Variants in ADAMTSL3 observed in about 807,000 individuals in gnomAD.
The protein encoded by ADAMTSL3 is ADAMTS like 3.
A neutral mutation model predicts 201.7 loss-of-function variants in ADAMTSL3; 128 were observed. The ratio of observed to expected loss-of-function variants is 0.63; its 90% confidence interval spans 0.55 to 0.73. The LOEUF (loss-of-function observed/expected upper bound fraction) is 0.73. Ranked by LOEUF, ADAMTSL3 falls within the 30% of genes least tolerant of loss-of-function variation. The pLI, the probability that ADAMTSL3 is intolerant of heterozygous loss-of-function variation, is 0.00. For synonymous variants in ADAMTSL3, 738 were observed against 748.4 expected (o/e 0.99, Z 0.23); for missense variants, 1,990 against 2,119.6 (o/e 0.94, Z 1.20).
At chr15:83,974,980 C>T (rs1686635726) in intron 20 of ADAMTSL3, among the ~76,000 whole-genome samples, 4 of 148,332 alleles carry the variant, frequency 2.7e-5, no homozygotes, top group Admixed American at 2.7e-4. Context: ...TCTCCTTGTA[C>T]TGGCACACAG....
At chr15:84,010,283 T>G (rs2067984019) in intron 23 of ADAMTSL3, among the ~76,000 whole-genome samples, 1 of 152,248 alleles carries the variant, frequency 6.6e-6, no homozygotes, top group Non-Finnish European at 1.5e-5. Context: ...TTTTTTCTCT[T>G]CCTAGCTAGT....
intron 3 of ADAMTSL3, among the ~76,000 whole-genome samples, chr15:83,744,083 C>T: frequency 6.6e-6 from 1 of 152,120 alleles, no homozygotes; most frequent in Non-Finnish European, 1.5e-5. Flanking sequence ...ATCTCCTGAC[C>T]TCGTGATCTG....
At chr15:83,788,246 T>A (rs1039818970) in intron 4 of ADAMTSL3, among the ~76,000 whole-genome samples, 3 of 152,214 alleles carry the variant, frequency 2.0e-5, no homozygotes, top group Non-Finnish European at 4.4e-5. Context: ...AGACCCTTCT[T>A]CTGGAGAATT....
intron 9 of ADAMTSL3, among the ~76,000 whole-genome samples, chr15:83,877,978 G>T (rs972876981): frequency 6.6e-6 from 1 of 152,030 alleles, no homozygotes; most frequent in Admixed American, 6.6e-5. Flanking sequence ...GATTGTATAC[G>T]TACGCAATTG....
chr15:83,939,177 C>T (rs2066511636), intron 17 of ADAMTSL3, among the ~76,000 whole-genome samples: 1 of 151,940 alleles, frequency 6.6e-6, no homozygotes, highest in African/African-American at 2.4e-5. Context: ...CACTTGATTG[C>T]TAATATTTTA....
In ADAMTSL3 at chr15:83,910,681, C is replaced by G. The variant is rs532660007; in HGVS notation, c.1701-2411C>G. ...ATGGAGTCTCACTCTGTTACCCAGGCTGGAGTGCAGTGGCACAATCTTGGC... is the reference window on the plus strand; with the variant it reads ...ATGGAGTCTCACTCTGTTACCCAGGGTGGAGTGCAGTGGCACAATCTTGGC... On this transcript the variant is annotated intron_variant, in intron 15 of 29. Coordinates refer to ENST00000286744, the MANE Select transcript of ADAMTSL3 (RefSeq NM_207517.3). Among the ~76,000 whole-genome samples the G allele has an allele frequency of 2.5e-3, 374 of 148,548 alleles. 2 individuals are homozygous for G. The highest frequency in any genetic ancestry group is 8.7e-3 in the African/African-American group (351 of 40,240).
At chr15:83,971,967 C>A (rs2067206271) in intron 20 of ADAMTSL3, among the ~76,000 whole-genome samples, 1 of 149,962 alleles carries the variant, frequency 6.7e-6, no homozygotes, top group Non-Finnish European at 1.5e-5. Context: ...TTTACCAACA[C>A]CTTTCCTGGA....
At chr15:83,942,244 C>A (rs1217079353) in intron 17 of ADAMTSL3, among the ~76,000 whole-genome samples, 1 of 152,186 alleles carries the variant, frequency 6.6e-6, no homozygotes, top group African/African-American at 2.4e-5. Context: ...TTTAAAATTT[C>A]TTTTGACACC....
In ADAMTSL3 at chr15:83,884,338, C is replaced by CCTTTTTTTTTTTTTTTTT. The variant is rs1305026027; in HGVS notation, c.961-763_961-762insCTTTTTTTTTTTTTTTTT. 2.6e-5 allele frequency among the ~76,000 whole-genome samples: 3 copies of CCTTTTTTTTTTTTTTTTT among 114,486 alleles called. 1 individual carries two copies. The highest frequency in any genetic ancestry group is 6.9e-5 in the African/African-American group (2 of 28,892). The allele number at this position is 114,486 out of a possible 152,430, so 75.1% of individuals were successfully genotyped here. On this transcript the variant is annotated intron_variant, in intron 9 of 29. Coordinates refer to ENST00000286744, the MANE Select transcript of ADAMTSL3 (RefSeq NM_207517.3). Reference sequence around the variant, plus strand: ...TGTTACCTCATTGGTGCCCTATTTCCTTTTTTTTTTTTTTTTTTTTTTGAG... The same window carrying CCTTTTTTTTTTTTTTTTT: ...TGTTACCTCATTGGTGCCCTATTTCCCTTTTTTTTTTTTTTTTTTTTTTTTTTTTTTTTTTTTTTTGAG...
intron 20 of ADAMTSL3, among the ~76,000 whole-genome samples, chr15:83,974,872 A>AT (rs2067255472): frequency 6.6e-6 from 1 of 152,162 alleles, no homozygotes. Flanking sequence ...AGAGGAACCC[A>AT]GGCATGCCCT....
intron 9 of ADAMTSL3, among the ~76,000 whole-genome samples, chr15:83,872,452 A>ACAGT (rs2065098499): frequency 6.6e-6 from 1 of 152,086 alleles, no homozygotes; most frequent in African/African-American, 2.4e-5. Context: ...GTCTTCTTAG[A>ACAGT]CAGTCATATT....
chr15:83,709,857 C>T (rs536219594), intron 3 of ADAMTSL3, among the ~76,000 whole-genome samples: 121 of 152,220 alleles, frequency 7.9e-4, no homozygotes, highest in Non-Finnish European at 1.4e-3. Flanking sequence ...TAATGTGCTT[C>T]CTCCTCACTG....
chr15:83,950,966 C>T (rs1007865061), intron 19 of ADAMTSL3, among the ~76,000 whole-genome samples: 13 of 148,888 alleles, frequency 8.7e-5, no homozygotes, highest in South Asian at 2.1e-4. Flanking sequence ...TTGACTTCTT[C>T]GTTTCCAATT....
chr15:83,998,277 T>C (rs2067725476), intron 23 of ADAMTSL3, among the ~76,000 whole-genome samples: 1 of 152,026 alleles, frequency 6.6e-6, no homozygotes, highest in Admixed American at 6.6e-5. Flanking sequence ...GGTAAAACCG[T>C]GTCTCCACTA....
intron 19 of ADAMTSL3, among the ~76,000 whole-genome samples, chr15:83,968,705 C>CA (rs2067134922): frequency 6.6e-6 from 1 of 152,196 alleles, no homozygotes; most frequent in Non-Finnish European, 1.5e-5. Context: ...ATGACACATG[C>CA]ACACATATGT....
At chr15:83,828,209 T>A (rs1228299981) in intron 6 of ADAMTSL3, among the ~76,000 whole-genome samples, 1 of 152,212 alleles carries the variant, frequency 6.6e-6, no homozygotes, top group Non-Finnish European at 1.5e-5. Flanking sequence ...CGTTGAGCAG[T>A]GGTTTGTAGT....
intron 23 of ADAMTSL3, among the ~76,000 whole-genome samples, chr15:84,012,451 C>T (rs1194318339): frequency 2.6e-5 from 4 of 152,188 alleles, no homozygotes; most frequent in Admixed American, 6.5e-5. Context: ...TCCCTTTTAT[C>T]TTTAAAACTA....
chr15:84,032,587 G>A (rs2068429237), intron 28 of ADAMTSL3, among the ~76,000 whole-genome samples: 1 of 152,108 alleles, frequency 6.6e-6, no homozygotes, highest in South Asian at 2.1e-4. Flanking sequence ...ACATACATGG[G>A]TCACATACAT....
At chr15:83,945,267 A>G (rs1454239305) in intron 19 of ADAMTSL3, among the ~76,000 whole-genome samples, 4 of 152,146 alleles carry the variant, frequency 2.6e-5, no homozygotes. Flanking sequence ...CTATAGGTCA[A>G]TGACTTGAGG....
Sources: gnomAD v4.1 joint callset for allele counts (sites outside exome capture counted in the v4.1 genomes callset) on GRCh38, gnomAD v4.1.1 for gene constraint, MANE v1.5 for transcripts, NCBI Gene and HGNC (gene_info 2026-07-23, HGNC 2026-07-21) for gene names.